Variants in NSMCE1 observed in about 807,000 individuals in gnomAD.
The protein encoded by NSMCE1 is non-structural maintenance of chromosomes element 1 homolog.
NSMCE1 carries 18 observed loss-of-function variants against 29.6 expected under a neutral mutation model. The ratio of observed to expected loss-of-function variants is 0.61; its 90% CI spans 0.42 to 0.90. The LOEUF (loss-of-function observed/expected upper bound fraction) is 0.90. Among genes scored for constraint, NSMCE1 ranks in the 40% least tolerant of loss-of-function variants. NSMCE1 has a pLI of 0.00. For synonymous variants in NSMCE1, 124 were observed against 133.4 expected (o/e 0.93, Z 0.49); for missense variants, 314 against 343.6 (o/e 0.91, Z 0.68).
chr16:27,232,542 G>A lies in NSMCE1; in HGVS notation c.483+459C>T, dbSNP rs1436066142. On this transcript the variant is annotated intron_variant, in intron 5 of 7. Coordinates refer to ENST00000361439, the MANE Select transcript of NSMCE1 (RefSeq NM_145080.4). The surrounding 1 kb of genome is among the most constrained non-coding windows in gnomAD (Gnocchi z 4.5). Reference sequence around the variant, plus strand: ...CCCGCGAGCCAGCCAGCCTAGCACCGAGCACATTACTGTGAGGTCCCATTC... The same window carrying A: ...CCCGCGAGCCAGCCAGCCTAGCACCAAGCACATTACTGTGAGGTCCCATTC... Among the ~76,000 whole-genome samples, 3 of 152,164 alleles carry A rather than the reference G, an allele frequency of 2.0e-5. No homozygotes were observed. Among genetic ancestry groups the A allele is most frequent in the Non-Finnish European group, 4.4e-5 (3 of 68,034 alleles).
chr16:27,256,373 G>A (rs1260068025), intron 2 of NSMCE1, among the ~76,000 whole-genome samples: 1 of 152,064 alleles, frequency 6.6e-6, no homozygotes, highest in African/African-American at 2.4e-5. Flanking sequence ...AAAGTGAAGG[G>A]TCCTGTGATC....
chr16:27,235,503 G>A (rs1315478285), intron 2 of NSMCE1, among the ~76,000 whole-genome samples: 1 of 152,162 alleles, frequency 6.6e-6, no homozygotes, highest in Non-Finnish European at 1.5e-5. Flanking sequence ...ACAACAGATG[G>A]AGGGCGTTGT....
At chr16:27,249,093 G>C (rs1262220072) in intron 2 of NSMCE1, among the ~76,000 whole-genome samples, 2 of 151,496 alleles carry the variant, frequency 1.3e-5, no homozygotes, top group Non-Finnish European at 2.9e-5. Context: ...GCCTCCCAGA[G>C]TGCTGGGATT....
chr16:27,225,365 A>G, intron 7 of NSMCE1, 129 bp from the exon 8 acceptor site: 1 of 661,074 alleles, frequency 1.5e-6, no homozygotes, highest in Non-Finnish European at 2.7e-6. Context: ...CTTCACTGCT[A>G]ACCCTCCCCA....
rs564189159 is a variant in NSMCE1 at position 27,250,479 on chromosome 16, A to ATT, written c.136+6954_136+6955dup. ...TTTTTTAATCAGGAATAGCTGTTGG[A>ATT]TTTTTTTTTTTTTTTAAACTCTGTG... On this transcript the variant is annotated intron_variant, in intron 2 of 7. Transcript: ENST00000361439. Among the ~76,000 whole-genome samples, 946 of 141,958 alleles carry ATT rather than the reference A, an allele frequency of 6.7e-3. 9 individuals carry two copies. Among genetic ancestry groups the ATT allele is most frequent in the African/African-American group, 0.022 (853 of 38,856 alleles). 93.1% of individuals were successfully genotyped at this position (141,958 alleles called of 152,430 possible).
chr16:27,260,880 G>T (rs1160402963), intron 1 of NSMCE1, among the ~76,000 whole-genome samples: 1 of 97,880 alleles, frequency 1.0e-5, no homozygotes, highest in African/African-American at 4.3e-5. Context: ...AAAAAAGGTT[G>T]CGGGGGCTGG....
chr16:27,243,281 C>T (rs1333613681), intron 2 of NSMCE1, among the ~76,000 whole-genome samples: 1 of 152,198 alleles, frequency 6.6e-6, no homozygotes, highest in Non-Finnish European at 1.5e-5. Flanking sequence ...GGCAGGAAAC[C>T]CGCTGTCATG....
intron 1 of NSMCE1, among the ~76,000 whole-genome samples, chr16:27,266,170 T>C (rs939349652): frequency 6.6e-6 from 1 of 152,032 alleles, no homozygotes; most frequent in South Asian, 2.1e-4. Flanking sequence ...GCCAGGAGTT[T>C]AAGACCAGCC....
Position 27,232,809 on chromosome 16 carries a change from G to A in NSMCE1, c.483+192C>T, listed in dbSNP as rs546021890. The stretch of plus-strand genomic sequence containing the variant: ...TCCTGAACACATCATCTGGGTGAAC[G>A]GGGAGTGGGAGGCAGGAGGAGTGAG... On this transcript the variant is annotated intron_variant, in intron 5 of 7. Transcript: ENST00000361439. This position sits in a 1 kb window ranked among gnomAD's most constrained non-coding sequence, Gnocchi z 4.5. 2.8e-4 allele frequency among the ~76,000 whole-genome samples: 42 copies of A among 152,338 alleles called. No individual in the cohort carries two copies. The highest frequency in any genetic ancestry group is 8.7e-4 in the African/African-American group (36 of 41,586).
At chr16:27,257,620 C>T in intron 1 of NSMCE1, 39 bp from the exon 2 acceptor site, 1 of 1,544,312 alleles carries the variant, frequency 6.5e-7, no homozygotes, top group Non-Finnish European at 8.8e-7. Context: ...ACCCCAAGCA[C>T]ATCAGAAGCA....
intron 2 of NSMCE1, among the ~76,000 whole-genome samples, chr16:27,254,467 C>T (rs1051829022): frequency 1.8e-4 from 28 of 152,200 alleles, no homozygotes; most frequent in Admixed American, 1.4e-3. Flanking sequence ...CATGTGGCTC[C>T]TTGCAGTGAG....
At chr16:27,251,207 T>TATATATATATATATATATAA (rs1555477430) in intron 2 of NSMCE1, among the ~76,000 whole-genome samples, 8 of 70,766 alleles carry the variant, frequency 1.1e-4, no homozygotes, top group Non-Finnish European at 2.0e-4. Flanking sequence ...TATATATATA[T>TATATATATATATATATATAA]AAAACTCTGT....
chr16:27,255,187 T>C (rs922738970), intron 2 of NSMCE1, among the ~76,000 whole-genome samples: 3 of 152,102 alleles, frequency 2.0e-5, no homozygotes, highest in African/African-American at 7.2e-5. Context: ...GCCGCTACTA[T>C]GCTTTTTAAA....
At chr16:27,244,526 A>C (rs2083931610) in intron 2 of NSMCE1, among the ~76,000 whole-genome samples, 2 of 145,454 alleles carry the variant, frequency 1.4e-5, no homozygotes, top group South Asian at 2.2e-4. Context: ...TCTGTCCCCC[A>C]CTCCCCCACA....
In NSMCE1 at chr16:27,227,765, TC is replaced by T. The variant is rs1161514488; in HGVS notation, c.484-930del. Among the ~76,000 whole-genome samples, 4 of 146,258 alleles carry T rather than the reference TC, an allele frequency of 2.7e-5. No individual in the cohort carries two copies. The South Asian group carries it at 9.1e-4, about 33-fold the overall frequency. The stretch of plus-strand genomic sequence containing the variant: ...AATTTTTACAAGCAAGAGCTGTCAC[TC>T]CCGTTTCTTTTCTTTTCTTTTTTTT... On this transcript the variant is annotated intron_variant, in intron 5 of 7. Coordinates refer to ENST00000361439, the MANE Select transcript of NSMCE1 (RefSeq NM_145080.4).
intron 2 of NSMCE1, among the ~76,000 whole-genome samples, chr16:27,252,661 G>A (rs1241790590): frequency 6.6e-6 from 1 of 152,190 alleles, no homozygotes; most frequent in African/African-American, 2.4e-5. Context: ...GCTCATGCCT[G>A]TAATCCCAGC....
At chr16:27,241,101 A>T (rs2083888734) in intron 2 of NSMCE1, among the ~76,000 whole-genome samples, 1 of 152,114 alleles carries the variant, frequency 6.6e-6, no homozygotes, top group Admixed American at 6.5e-5. Context: ...ATTAAGTTAC[A>T]TTGGAATGTA....
chr16:27,231,894 C>T (rs1361090105), intron 5 of NSMCE1, among the ~76,000 whole-genome samples: 1 of 152,170 alleles, frequency 6.6e-6, no homozygotes, highest in Non-Finnish European at 1.5e-5. Context: ...CACTGCAGGG[C>T]AGCAGACAGC....
At chr16:27,239,929 AT>A in intron 2 of NSMCE1, among the ~76,000 whole-genome samples, 1 of 150,892 alleles carries the variant, frequency 6.6e-6, no homozygotes, top group Middle Eastern at 3.4e-3. Flanking sequence ...GGGCCTGCAA[AT>A]GTGTGGCTAT....
Sources: allele counts gnomAD v4.1 joint callset (sites outside exome capture counted in the v4.1 genomes callset), GRCh38; gene constraint gnomAD v4.1.1; non-coding constraint Gnocchi (gnomAD v3.1); transcripts MANE v1.5; gene names NCBI Gene and HGNC (gene_info 2026-07-23, HGNC 2026-07-21).